Variants in SCYL3 observed in about 807,000 individuals in gnomAD.
SCYL3 encodes the protein protein-associating with the carboxyl-terminal domain of ezrin.
SCYL3 carries 35 observed loss-of-function variants against 73.8 expected under a neutral mutation model. That is an observed-to-expected ratio of 0.47 (90% CI 0.36 to 0.63). The LOEUF (loss-of-function observed/expected upper bound fraction) is 0.63. Among genes scored for constraint, SCYL3 ranks in the 20% least tolerant of loss-of-function variants. The probability of loss-of-function intolerance (pLI) is 0.00; values close to 1 mark genes in which losing one functional copy is unlikely to be tolerated. For missense variants in SCYL3, 712 were observed against 798.9 expected (o/e 0.89, Z 1.31); for synonymous variants, 277 against 295.2 (o/e 0.94, Z 0.63).
intron 10 of SCYL3, among the ~76,000 whole-genome samples, chr1:169,859,460 T>G (rs10753797): frequency 2.0e-5 from 3 of 152,160 alleles, no homozygotes; most frequent in African/African-American, 7.2e-5. Context: ...ATATGTTGGG[T>G]ACATAAAATT....
chr1:169,874,771 T>C (rs1293399786), intron 4 of SCYL3, among the ~76,000 whole-genome samples: 1 of 151,964 alleles, frequency 6.6e-6, no homozygotes, highest in East Asian at 1.9e-4. Flanking sequence ...ACCAAAAATA[T>C]AAAAAATTAA....
chr1:169,864,353 T>C lies in SCYL3; in HGVS notation c.955+16A>G, dbSNP rs1558124636. ...AAACTTCTTAACTAGCAATAACACTTTGAAAAAGCATTCACCTTTTTTGGG... is the reference window on the plus strand; with the variant it reads ...AAACTTCTTAACTAGCAATAACACTCTGAAAAAGCATTCACCTTTTTTGGG... On this transcript the variant is annotated intron_variant, in intron 9 of 12. Transcript: ENST00000367771. 2 of 1,614,126 alleles carry C rather than the reference T, an allele frequency of 1.2e-6. No individual in the cohort carries two copies. Among genetic ancestry groups the C allele is most frequent in the Non-Finnish European group, 1.7e-6 (2 of 1,180,008 alleles).
In SCYL3 at chr1:169,888,773, C is replaced by T. The variant is rs1363118293; in HGVS notation, c.68G>A (p.Gly23Glu). ...LREPPFTLPS[G>E]LAVYPAVLQD... is the part of the protein sequence containing the mutation. ...CAGTACAGCGGGATAAACAGCAAGT[C>T]CAGAGGGTAAGGTAAATGGTGGTTC... The change falls in exon 2 of 13, where the codon GGA becomes GAA. Residue 23 changes from glycine to glutamate, a missense_variant. Physicochemically the swap from Gly to Glu is moderately conservative, Grantham distance 98. Around this residue, in one of 2 missense-constraint regions of SCYL3, gnomAD observed 342 missense variants for 448.1 expected, o/e 0.76. Coordinates refer to ENST00000367771, the MANE Select transcript of SCYL3 (RefSeq NM_020423.7). 1 of 1,613,876 alleles carries T rather than the reference C, an allele frequency of 6.2e-7. No homozygotes were observed. Among genetic ancestry groups the T allele is most frequent in the African/African-American group, 1.3e-5 (1 of 74,886 alleles).
At chr1:169,870,189 C>A in intron 6 of SCYL3, 66 bp downstream of exon 6, 1 of 1,218,504 alleles carries the variant, frequency 8.2e-7, no homozygotes, top group Non-Finnish European at 1.2e-6. Flanking sequence ...TTGAATTCCA[C>A]ACAGAATACG....
chr1:169,855,856 T>C (rs1439220220), intron 11 of SCYL3: 13 of 1,613,806 alleles, frequency 8.1e-6, no homozygotes, highest in Admixed American at 3.3e-5. Flanking sequence ...TTGATGGGCG[T>C]GCTGCCAGAA....
chr1:169,850,803 C>G lies in SCYL3; in HGVS notation c.*2910G>C, dbSNP rs1658069511. 6.4e-6 allele frequency: 1 copy of G among 156,352 alleles called. No individual in the cohort carries two copies. The highest frequency in any genetic ancestry group is 2.4e-5 in the African/African-American group (1 of 41,412). The allele number at this position is 156,352 out of a possible 1,614,324, so 9.7% of individuals were successfully genotyped here. A position where few individuals can be genotyped will look rare whatever the true frequency, so the allele number is the denominator to read the frequency against. On this transcript the variant is annotated 3_prime_UTR_variant, in exon 13 of 13. Transcript: ENST00000367771. The stretch of plus-strand genomic sequence containing the variant: ...AGAGTGAGACTGTCTCAAAAAAGGA[C>G]ACTTGTAGTTCCTCTGCCTGTAGTT...
In SCYL3 at chr1:169,850,336, T is replaced by G; in HGVS notation, c.*3377A>C. The G allele has an allele frequency of 6.2e-7, 1 of 1,604,876 alleles. No individual in the cohort carries two copies. The highest frequency in any genetic ancestry group is 8.5e-7 in the Non-Finnish European group (1 of 1,171,958). On this transcript the variant is annotated 3_prime_UTR_variant, in exon 13 of 13. Coordinates refer to ENST00000367771, the MANE Select transcript of SCYL3 (RefSeq NM_020423.7). ...AAACTAAGAACAAAGTTGTATCCTTTCTGGAGAAGGTACTTTCTTTACATG... is the reference window on the plus strand; with the variant it reads ...AAACTAAGAACAAAGTTGTATCCTTGCTGGAGAAGGTACTTTCTTTACATG...
intron 10 of SCYL3, among the ~76,000 whole-genome samples, 178 bp from the exon 11 acceptor site, chr1:169,859,390 C>T (rs542122486): frequency 1.3e-5 from 2 of 152,314 alleles, no homozygotes; most frequent in African/African-American, 4.8e-5. Flanking sequence ...ATCTTCCCCT[C>T]CCAATCCATC....
At chr1:169,861,641 T>C (rs905190274) in intron 10 of SCYL3, among the ~76,000 whole-genome samples, 3 of 152,212 alleles carry the variant, frequency 2.0e-5, no homozygotes, top group Non-Finnish European at 1.5e-5. Context: ...GGTACTTACA[T>C]GGCAACGGAT....
chr1:169,870,645 T>C (rs1660327153), intron 5 of SCYL3, among the ~76,000 whole-genome samples: 1 of 152,208 alleles, frequency 6.6e-6, no homozygotes, highest in African/African-American at 2.4e-5. Flanking sequence ...TCTTATATCA[T>C]GCTCTACTAT....
chr1:169,878,063 A>AAACCT (rs1420195750), intron 3 of SCYL3, among the ~76,000 whole-genome samples: 1 of 152,234 alleles, frequency 6.6e-6, no homozygotes, highest in East Asian at 1.9e-4. Flanking sequence ...GACCAGAAGT[A>AAACCT]AACCTAGGAA....
At chr1:169,866,670 T>G (rs796617612) in intron 8 of SCYL3, among the ~76,000 whole-genome samples, 2 of 152,320 alleles carry the variant, frequency 1.3e-5, no homozygotes, top group African/African-American at 4.8e-5. Context: ...TTCCAAAAGC[T>G]CTACTGTACC....
chr1:169,866,674 C>T (rs1020070435), intron 8 of SCYL3, among the ~76,000 whole-genome samples: 1 of 152,212 alleles, frequency 6.6e-6, no homozygotes, highest in Non-Finnish European at 1.5e-5. Flanking sequence ...AAAAGCTCTA[C>T]TGTACCCACC....
rs907978502 is a variant in SCYL3, at chr1:169,885,961, A to G, written c.165+2715T>C. Among the ~76,000 whole-genome samples the G allele has an allele frequency of 1.6e-4, 25 of 152,336 alleles. 1 individual carries two copies. Among genetic ancestry groups the G allele is most frequent in the Non-Finnish European group, 2.8e-4 (19 of 68,028 alleles). On this transcript the variant is annotated intron_variant, in intron 2 of 12. Transcript: ENST00000367771. ...AAGTTCTTCTGAGTGGATAGTGCCC[A>G]GAAGCCACGTAAGAGCACTGGATTC... is the stretch of plus-strand genomic sequence containing the variant.
At chr1:169,880,880 G>C (rs1490868733) in intron 2 of SCYL3, among the ~76,000 whole-genome samples, 3 of 151,414 alleles carry the variant, frequency 2.0e-5, no homozygotes, top group Non-Finnish European at 2.9e-5. Flanking sequence ...CCCTGCCTCA[G>C]CCTCCCGAGT....
At chr1:169,891,567 G>GTC (rs1321737201) in intron 1 of SCYL3, among the ~76,000 whole-genome samples, 11 of 152,194 alleles carry the variant, frequency 7.2e-5, no homozygotes, top group African/African-American at 4.8e-5. Context: ...TAGTCTGACC[G>GTC]TCTCTCTCTC....
chr1:169,889,613 C>G (rs919011333), intron 1 of SCYL3, among the ~76,000 whole-genome samples: 1 of 152,118 alleles, frequency 6.6e-6, no homozygotes, highest in African/African-American at 2.4e-5. Flanking sequence ...AAAGCCCACA[C>G]ATACACAGAA....
In SCYL3 at chr1:169,872,777, AT is replaced by A. The variant is rs552554063; in HGVS notation, c.522+918del. On this transcript the variant is annotated intron_variant, in intron 5 of 12. Coordinates refer to ENST00000367771, the MANE Select transcript of SCYL3 (RefSeq NM_020423.7). ...AAGGAGATCATTTTGGAGCTTTAAG[AT>A]TTGACTGCCTCACTGGATTTCACAC... Among the ~76,000 whole-genome samples, 519 of 152,264 alleles carry A rather than the reference AT, an allele frequency of 3.4e-3. 1 individual carries two copies. The highest frequency in any genetic ancestry group is 5.8e-3 in the Non-Finnish European group (395 of 68,016).
intron 2 of SCYL3, among the ~76,000 whole-genome samples, chr1:169,887,970 C>A (rs1661800304): frequency 6.6e-6 from 1 of 152,136 alleles, no homozygotes; most frequent in Non-Finnish European, 1.5e-5. Flanking sequence ...TCAAGTTCAA[C>A]TTGAAAATAG....
Sources: allele counts gnomAD v4.1 joint callset (sites outside exome capture counted in the v4.1 genomes callset), GRCh38; gene constraint gnomAD v4.1.1; regional missense constraint gnomAD v4.1.1; transcripts MANE v1.5; gene names NCBI Gene and HGNC (gene_info 2026-07-23, HGNC 2026-07-21).